RANBP2: variants seen among roughly 807,000 people sequenced by gnomAD.
The protein encoded by RANBP2 is RAN binding protein 2.
Under a neutral mutation model 303.6 loss-of-function variants are expected in RANBP2, and 57 were observed. The ratio of observed to expected loss-of-function variants is 0.19; its 90% CI spans 0.15 to 0.23. The LOEUF is 0.23. Ranked by LOEUF, RANBP2 falls within the 10% of genes least tolerant of loss-of-function variation. RANBP2 has a pLI of 1.00. For missense variants in RANBP2, 3,138 were observed against 3,780.8 expected (o/e 0.83, Z 4.46); for synonymous variants, 1,167 against 1,301.5 (o/e 0.90, Z 2.23).
the RANBP2 span, among the ~76,000 whole-genome samples, chr2:109,107,393 C>T: frequency 1.3e-5 from 2 of 152,118 alleles, no homozygotes; most frequent in Admixed American, 6.6e-5. Flanking sequence ...TAGAGCCAGC[C>T]AGTATGCTGG....
the RANBP2 span, among the ~76,000 whole-genome samples, chr2:109,360,264 C>A: frequency 6.6e-6 from 1 of 152,002 alleles, no homozygotes; most frequent in Non-Finnish European, 1.5e-5. Context: ...TTTTTTACTG[C>A]TAAATACTTA....
the RANBP2 span, among the ~76,000 whole-genome samples, chr2:109,350,461 T>A: frequency 6.6e-6 from 1 of 152,350 alleles, no homozygotes; most frequent in African/African-American, 2.4e-5. Flanking sequence ...CCAGAGGGAC[T>A]TGTGCTGTGA....
At chr2:108,837,427 A>G in the RANBP2 span, among the ~76,000 whole-genome samples, 1 of 152,214 alleles carries the variant, frequency 6.6e-6, no homozygotes, top group Non-Finnish European at 1.5e-5. Context: ...ACCGCCATGC[A>G]CTGTATAATG....
At chr2:109,645,103 T>C in the RANBP2 span, among the ~76,000 whole-genome samples, 2 of 152,186 alleles carry the variant, frequency 1.3e-5, no homozygotes, top group African/African-American at 4.8e-5. Context: ...GGCAGCAAGG[T>C]TGCTCTTCAG....
At chr2:109,052,482 A>G in the RANBP2 span, among the ~76,000 whole-genome samples, 783 of 152,316 alleles carry the variant, frequency 5.1e-3, 8 homozygotes, top group African/African-American at 0.018. Context: ...GCTTTGCCTC[A>G]ACATCGTCTG....
At chr2:109,686,186 G>A in the RANBP2 span, among the ~76,000 whole-genome samples, 1,430 of 152,202 alleles carry the variant, frequency 9.4e-3, 25 homozygotes, top group African/African-American at 0.033. Context: ...AGGTGGGGAG[G>A]GCCCTGGGTT....
the RANBP2 span, among the ~76,000 whole-genome samples, chr2:109,258,742 G>A: frequency 1.3e-5 from 2 of 152,218 alleles, no homozygotes; most frequent in East Asian, 1.9e-4. Context: ...CATATAATAC[G>A]TGCTGCTTTG....
the RANBP2 span, chr2:109,347,880 G>C: frequency 1.2e-6 from 2 of 1,612,810 alleles, no homozygotes; most frequent in African/African-American, 1.3e-5. Context: ...CCCCGCCCCA[G>C]GGAAAAGCAC....
chr2:109,558,286 T>C, the RANBP2 span, among the ~76,000 whole-genome samples: 50 of 152,224 alleles, frequency 3.3e-4, no homozygotes, highest in Admixed American at 1.6e-3. Flanking sequence ...AAGTCTACTA[T>C]AGACTACCTG....
At chr2:109,198,693 C>G in the RANBP2 span, among the ~76,000 whole-genome samples, 1 of 152,146 alleles carries the variant, frequency 6.6e-6, no homozygotes, top group Non-Finnish European at 1.5e-5. Flanking sequence ...TTTCGTGTCT[C>G]TTAAAAGGGG....
rs181984168 is a variant in RANBP2 at position 108,778,236 on chromosome 2, C to T, written c.8599+1005C>T. On this transcript the variant is annotated intron_variant, in intron 25 of 28. Coordinates refer to ENST00000283195, the MANE Select transcript of RANBP2 (RefSeq NM_006267.5). ...TGAAAAGTAGGCAGTACTCACATAT[C>T]GGGAGGAAACCATGCCTAAATAAGC... 2.8e-4 allele frequency among the ~76,000 whole-genome samples: 42 copies of T among 152,274 alleles called. No homozygotes were observed. The East Asian group carries it at 7.1e-3, about 26-fold the overall frequency.
chr2:108,788,401 CAA>C (rs2149376372), downstream of RANBP2, among the ~76,000 whole-genome samples: 1 of 142,402 alleles, frequency 7.0e-6, no homozygotes, highest in African/African-American at 2.6e-5. Flanking sequence ...GCCTGGGCAA[CAA>C]GAGCGAAACT....
chr2:109,456,484 C>T, the RANBP2 span, among the ~76,000 whole-genome samples: 2 of 152,240 alleles, frequency 1.3e-5, no homozygotes, highest in African/African-American at 4.8e-5. Flanking sequence ...CAACCTTTCT[C>T]TAAGTTAGGA....
At chr2:108,830,902 C>T in the RANBP2 span, among the ~76,000 whole-genome samples, 14 of 144,824 alleles carry the variant, frequency 9.7e-5, no homozygotes, top group African/African-American at 1.3e-4. Flanking sequence ...TGGCCAGGTG[C>T]GGTGGCTCAC....
At chr2:108,735,460 C>T (rs1414201040) in intron 4 of RANBP2, 72 bp from the exon 5 acceptor site, 59 of 1,597,010 alleles carry the variant, frequency 3.7e-5, no homozygotes, top group South Asian at 2.7e-4. Flanking sequence ...GAATGGTGCT[C>T]TTTGGGAGCA....
the RANBP2 span, among the ~76,000 whole-genome samples, chr2:109,231,420 G>A: frequency 6.6e-6 from 1 of 152,198 alleles, no homozygotes; most frequent in South Asian, 2.1e-4. Context: ...CCTGGTTGGG[G>A]CAGGATGCTT....
chr2:109,125,762 C>T, the RANBP2 span, among the ~76,000 whole-genome samples: 1 of 152,262 alleles, frequency 6.6e-6, no homozygotes, highest in Admixed American at 6.5e-5. Context: ...ATATAATTGG[C>T]TTATTGAACA....
intron 1 of RANBP2, among the ~76,000 whole-genome samples, chr2:108,720,387 A>G (rs1386164654): frequency 2.0e-5 from 3 of 151,734 alleles, no homozygotes. Context: ...GTTCTTACAA[A>G]TCGTTAGTAT....
At chr2:108,744,377 A>T (rs573516076) in intron 7 of RANBP2, among the ~76,000 whole-genome samples, 3 of 151,932 alleles carry the variant, frequency 2.0e-5, no homozygotes, top group South Asian at 2.1e-4. Context: ...GCAGCACTGC[A>T]GCCTGGCGAC....
Sources: allele counts gnomAD v4.1 joint callset (sites outside exome capture counted in the v4.1 genomes callset), GRCh38; gene constraint gnomAD v4.1.1; transcripts MANE v1.5; gene names NCBI Gene and HGNC (gene_info 2026-07-23, HGNC 2026-07-21).